Variants in MAPK4 observed in about 807,000 individuals in gnomAD.
The protein encoded by MAPK4 is Erk3-related.
A neutral mutation model predicts 47.7 loss-of-function variants in MAPK4; 22 were observed. The observed-to-expected ratio is 0.46, with a 90% confidence interval of 0.33 to 0.66. The LOEUF (loss-of-function observed/expected upper bound fraction) is 0.66. Ranked by LOEUF, MAPK4 falls within the 30% of genes least tolerant of loss-of-function variation. The pLI is 0.02. For missense variants in MAPK4, 736 were observed against 831.7 expected, an observed-to-expected ratio of 0.88 and a Z score of 1.42; for synonymous variants, 390 against 365.7, an observed-to-expected ratio of 1.07 and a Z score of -0.76.
At chr18:50,593,844 G>GATAT (rs151107523) in intron 1 of MAPK4, among the ~76,000 whole-genome samples, 1 of 151,384 alleles carries the variant, frequency 6.6e-6, no homozygotes, top group Admixed American at 6.6e-5. Flanking sequence ...GAATTAATAG[G>GATAT]ATATATATAT....
intron 1 of MAPK4, among the ~76,000 whole-genome samples, chr18:50,569,072 G>T (rs77956404): frequency 1.0e-3 from 158 of 152,220 alleles, no homozygotes; most frequent in African/African-American, 3.6e-3. Flanking sequence ...TCTTTTGTTT[G>T]TTCTGGTTCT....
At chr18:50,567,751 T>G (rs63095860) in intron 1 of MAPK4, among the ~76,000 whole-genome samples, 25 of 151,598 alleles carry the variant, frequency 1.6e-4, no homozygotes, top group Admixed American at 7.3e-4. Context: ...TGTGTGTGTG[T>G]GTGGGTGGGT....
chr18:50,729,656 C>G lies in MAPK4; in HGVS notation c.1566C>G (p.Pro522=). ...DDPERRLSAS[P]PGRPAPVDGG... ...CCGAGCGCCGCTTGTCTGCCTCGCC[C>G]CCCGGCCGCCCGGCCCCGGTGGACG... Residue 522 remains proline (P), a synonymous_variant, in exon 6 of 6, where the codon CCC becomes CCG. Coordinates refer to ENST00000400384, the MANE Select transcript of MAPK4 (RefSeq NM_002747.4). 6.6e-7 allele frequency: 1 copy of G among 1,521,876 alleles called. No homozygotes were observed. Among genetic ancestry groups the G allele is most frequent in the East Asian group, 2.6e-5 (1 of 39,038 alleles). The allele number at this position is 1,521,876 out of a possible 1,614,324, so 94.3% of individuals were successfully genotyped here. A position where few individuals can be genotyped will look rare whatever the true frequency, so the allele number is the denominator to read the frequency against.
chr18:50,566,699 T>C (rs1470492818), intron 1 of MAPK4, among the ~76,000 whole-genome samples: 1 of 152,240 alleles, frequency 6.6e-6, no homozygotes, highest in Non-Finnish European at 1.5e-5. Context: ...GACGGTTCAA[T>C]TGGTGGAATG....
chr18:50,658,810 G>C (rs949481581), intron 1 of MAPK4, among the ~76,000 whole-genome samples: 1 of 152,156 alleles, frequency 6.6e-6, no homozygotes, highest in African/African-American at 2.4e-5. Flanking sequence ...GTCGCCTTGA[G>C]GGGCAACAGG....
chr18:50,573,642 C>T (rs1179988376), intron 1 of MAPK4, among the ~76,000 whole-genome samples: 1 of 152,150 alleles, frequency 6.6e-6, no homozygotes, highest in African/African-American at 2.4e-5. Context: ...CCATACCCAG[C>T]CCTGTACACA....
In MAPK4 at chr18:50,712,384, G is replaced by A. The variant is rs564475619; in HGVS notation, c.547-2695G>A. Among the ~76,000 whole-genome samples the A allele has an allele frequency of 1.4e-4, 21 of 152,232 alleles. No homozygotes were observed. The South Asian group carries it at 1.7e-3, about 12-fold the overall frequency. ...AGAGGTTGTAGTGAGCCACTGTTGCGCCACTGCATGTCAGCCTGGGCGACA... is the reference window on the plus strand; with the variant it reads ...AGAGGTTGTAGTGAGCCACTGTTGCACCACTGCATGTCAGCCTGGGCGACA... On this transcript the variant is annotated intron_variant, in intron 2 of 5. Coordinates refer to ENST00000400384, the MANE Select transcript of MAPK4 (RefSeq NM_002747.4).
chr18:50,652,269 G>A (rs2144212898), intron 1 of MAPK4, among the ~76,000 whole-genome samples: 1 of 152,304 alleles, frequency 6.6e-6, no homozygotes, highest in Admixed American at 6.5e-5. Flanking sequence ...AGAAAACAGG[G>A]AGATGCAATC....
chr18:50,657,970 G>A (rs2043128868), intron 1 of MAPK4, among the ~76,000 whole-genome samples: 1 of 152,082 alleles, frequency 6.6e-6, no homozygotes, highest in African/African-American at 2.4e-5. Flanking sequence ...TACAGGCCGT[G>A]CTAGTCAGGA....
intron 2 of MAPK4, among the ~76,000 whole-genome samples, chr18:50,673,658 C>T (rs897594859): frequency 6.6e-6 from 1 of 152,114 alleles, no homozygotes; most frequent in African/African-American, 2.4e-5. Context: ...AGTTTGAGAC[C>T]ATCCTGGCTA....
chr18:50,610,579 A>T (rs1390906503), intron 1 of MAPK4, among the ~76,000 whole-genome samples: 1 of 152,226 alleles, frequency 6.6e-6, no homozygotes, highest in East Asian at 1.9e-4. Context: ...GCCAGCTGTC[A>T]AGGAGCACTG....
intron 5 of MAPK4, 89 bp from the exon 6 acceptor site, chr18:50,729,069 A>T: frequency 8.8e-7 from 1 of 1,135,186 alleles, no homozygotes; most frequent in Non-Finnish European, 1.3e-6. Context: ...CAGGTGTGTG[A>T]GTGGCAAACA....
intron 1 of MAPK4, among the ~76,000 whole-genome samples, chr18:50,610,303 C>A (rs77726602): frequency 0.015 from 2,276 of 152,318 alleles, 59 homozygotes; most frequent in African/African-American, 0.05. Context: ...GAGGGACCAT[C>A]ACTTGGCTGG....
At chr18:50,684,932 C>T (rs746041142) in intron 2 of MAPK4, among the ~76,000 whole-genome samples, 2 of 152,174 alleles carry the variant, frequency 1.3e-5, no homozygotes, top group Non-Finnish European at 2.9e-5. Flanking sequence ...TCGGTGGCAC[C>T]GGGCCCCATC....
chr18:50,619,339 G>T (rs1004543083), intron 1 of MAPK4, among the ~76,000 whole-genome samples: 4 of 152,076 alleles, frequency 2.6e-5, no homozygotes, highest in Non-Finnish European at 5.9e-5. Flanking sequence ...TTATTTTAGA[G>T]ACAAGGTCTT....
intron 2 of MAPK4, among the ~76,000 whole-genome samples, chr18:50,688,889 T>TAAAAAAAAA (rs35330620): frequency 4.0e-4 from 46 of 115,472 alleles, no homozygotes; most frequent in Non-Finnish European, 5.2e-4. Context: ...CCTATGGAAA[T>TAAAAAAAAA]AAAAAAAAAA....
At chr18:50,594,299 A>G (rs2042463557) in intron 1 of MAPK4, among the ~76,000 whole-genome samples, 1 of 152,166 alleles carries the variant, frequency 6.6e-6, no homozygotes, top group South Asian at 2.1e-4. Flanking sequence ...CAACACCCTC[A>G]CAGACACACC....
intron 2 of MAPK4, among the ~76,000 whole-genome samples, chr18:50,680,737 T>G (rs1452012158): frequency 6.6e-6 from 1 of 152,238 alleles, no homozygotes; most frequent in Non-Finnish European, 1.5e-5. Flanking sequence ...GGTTTATCCA[T>G]GTGATTGAAG....
At chr18:50,570,142 C>T (rs1179741691) in intron 1 of MAPK4, among the ~76,000 whole-genome samples, 6 of 152,188 alleles carry the variant, frequency 3.9e-5, no homozygotes, top group Admixed American at 3.9e-4. Context: ...AGGAGAGAAA[C>T]ACAAGTGACC....
Sources: allele counts gnomAD v4.1 joint callset (sites outside exome capture counted in the v4.1 genomes callset), GRCh38; gene constraint gnomAD v4.1.1; transcripts MANE v1.5; gene names NCBI Gene and HGNC (gene_info 2026-07-23, HGNC 2026-07-21).